The following PRMT8 variants were observed in gnomAD, a reference collection of about 807,000 sequenced individuals.
PRMT8 encodes protein arginine N-methyltransferase 8.
In PRMT8, 7 loss-of-function variants were observed where a neutral mutation model predicts 47.1. The observed-to-expected ratio is 0.15, with a 90% confidence interval of 0.08 to 0.28. PRMT8 has a LOEUF of 0.28. Among genes scored for constraint, PRMT8 ranks in the 10% least tolerant of loss-of-function variants. The pLI is 1.00. For missense variants in PRMT8, 237 were observed against 505.4 expected (o/e 0.47, Z 5.09); for synonymous variants, 188 against 186.5 (o/e 1.01, Z -0.07).
chr12:3,416,313 A>G lies in PRMT8; in HGVS notation c.48+34871A>G, dbSNP rs565640719. Among the ~76,000 whole-genome samples, 14 of 152,162 alleles carry G rather than the reference A, an allele frequency of 9.2e-5. No individual in the cohort carries two copies. In the South Asian group the frequency reaches 2.9e-3, roughly 32 times the overall value. On this transcript the variant is annotated intron_variant, in intron 1 of 9. Transcript: ENST00000452611. ...CCTACCTGAAATCTACCTACCCCTC[A>G]AGGTGTAATTCTAATCCTCACCATC...
At chr12:3,407,355 A>C (rs548787238) in intron 1 of PRMT8, among the ~76,000 whole-genome samples, 1 of 142,574 alleles carries the variant, frequency 7.0e-6, no homozygotes, top group Admixed American at 6.7e-5. Context: ...GCATTCTAGT[A>C]TTCTTGGCTG....
chr12:3,397,519 G>C (rs1403642623), intron 1 of PRMT8, among the ~76,000 whole-genome samples: 1 of 151,262 alleles, frequency 6.6e-6, no homozygotes, highest in Non-Finnish European at 1.5e-5. Flanking sequence ...CAGTTAGGCT[G>C]CTCGGGGGTC....
chr12:3,510,169 G>T (rs1281754847), intron 1 of PRMT8, among the ~76,000 whole-genome samples: 1 of 152,184 alleles, frequency 6.6e-6, no homozygotes, highest in African/African-American at 2.4e-5. Flanking sequence ...TGAGGCCAAG[G>T]CTCCTAATTG....
At chr12:3,466,893 T>A (rs1203915031) in intron 1 of PRMT8, among the ~76,000 whole-genome samples, 1 of 152,176 alleles carries the variant, frequency 6.6e-6, no homozygotes, top group Non-Finnish European at 1.5e-5. Flanking sequence ...CTCATTCATG[T>A]GAAAATTCCC....
chr12:3,423,666 C>G (rs563319176), intron 1 of PRMT8, among the ~76,000 whole-genome samples: 1 of 152,324 alleles, frequency 6.6e-6, no homozygotes, highest in Non-Finnish European at 1.5e-5. Context: ...GCCCACATAT[C>G]CAGTATAATC....
chr12:3,468,413 C>T (rs577126175), intron 1 of PRMT8, among the ~76,000 whole-genome samples: 21 of 152,266 alleles, frequency 1.4e-4, no homozygotes, highest in African/African-American at 5.1e-4. Context: ...CTTGCTTTTT[C>T]TCTCACTTTG....
At chr12:3,487,248 G>C (rs1865331372), upstream of PRMT8, among the ~76,000 whole-genome samples, 1 of 152,192 alleles carries the variant, frequency 6.6e-6, no homozygotes, top group African/African-American at 2.4e-5. Flanking sequence ...CATGTGTGAG[G>C]TCCCCTGGGA....
intron 1 of PRMT8, among the ~76,000 whole-genome samples, chr12:3,537,892 G>T (rs1348401669): frequency 6.6e-6 from 1 of 151,922 alleles, no homozygotes; most frequent in Non-Finnish European, 1.5e-5. Flanking sequence ...CTTTTCCTTG[G>T]CCCCTCCTGT....
chr12:3,487,142 A>G (rs562081183), upstream of PRMT8, among the ~76,000 whole-genome samples: 126 of 152,314 alleles, frequency 8.3e-4, no homozygotes, highest in African/African-American at 2.8e-3. Context: ...CTGCTGGGGT[A>G]GCTGCCATGA....
intron 1 of PRMT8, among the ~76,000 whole-genome samples, chr12:3,381,889 CCTT>C (rs1373169199): frequency 1.3e-5 from 2 of 152,144 alleles, no homozygotes; most frequent in Non-Finnish European, 2.9e-5. Context: ...AGAGGAGACT[CCTT>C]CTTTTATCTT....
intron 1 of PRMT8, among the ~76,000 whole-genome samples, chr12:3,446,132 TA>T (rs1864853161): frequency 6.6e-6 from 1 of 152,110 alleles, no homozygotes; most frequent in South Asian, 2.1e-4. Context: ...TAGATGTTCC[TA>T]AAGCCCATGA....
At chr12:3,461,289 T>C (rs1865038416) in intron 1 of PRMT8, among the ~76,000 whole-genome samples, 1 of 152,132 alleles carries the variant, frequency 6.6e-6, no homozygotes, top group Non-Finnish European at 1.5e-5. Flanking sequence ...GCTATTCCTG[T>C]AGCAGCAGGA....
At chr12:3,435,633 T>A (rs970828192) in intron 1 of PRMT8, among the ~76,000 whole-genome samples, 1 of 151,546 alleles carries the variant, frequency 6.6e-6, no homozygotes, top group Non-Finnish European at 1.5e-5. Context: ...GCCATTCTCC[T>A]GCCTCAGCCT....
chr12:3,541,749 T>TTTTG (rs1214101619), intron 2 of PRMT8, among the ~76,000 whole-genome samples: 1 of 152,224 alleles, frequency 6.6e-6, no homozygotes, highest in African/African-American at 2.4e-5. Context: ...TAGCCAGCTC[T>TTTTG]TTTGTTTGTT....
Position 3,540,613 on chromosome 12 carries a change from G to GGCCCCC in PRMT8, c.83_84insGCCCCC (p.Ser28delinsArgProPro). 8.5e-5 allele frequency: 96 copies of GGCCCCC among 1,130,508 alleles called. No homozygotes were observed. Among genetic ancestry groups the GGCCCCC allele is most frequent in the Non-Finnish European group, 1.1e-4 (84 of 752,478 alleles). 70.0% of individuals were successfully genotyped at this position (1,130,508 alleles called of 1,614,324 possible). On this transcript the variant is annotated protein_altering_variant, in exon 2 of 10. Coordinates refer to ENST00000382622, the MANE Select transcript of PRMT8 (RefSeq NM_019854.5). ...CCCTTCTCTTCCCCTCAGGTGAACA[G>GGCCCCC]CCCCCCCTCCCAGCCCCCCCAGCCC...
chr12:3,578,969 T>G (rs912252047), intron 7 of PRMT8, among the ~76,000 whole-genome samples: 3 of 152,186 alleles, frequency 2.0e-5, no homozygotes, highest in African/African-American at 7.2e-5. Context: ...TCTCACTACT[T>G]CATTCAGCCT....
chr12:3,447,883 T>C (rs1348964985), intron 1 of PRMT8, among the ~76,000 whole-genome samples: 2 of 152,234 alleles, frequency 1.3e-5, no homozygotes, highest in African/African-American at 2.4e-5. Context: ...ACACCTGCCA[T>C]GCTTCTGATT....
chr12:3,449,189 A>G (rs893485644), intron 1 of PRMT8, among the ~76,000 whole-genome samples: 3 of 152,218 alleles, frequency 2.0e-5, no homozygotes, highest in African/African-American at 7.2e-5. Context: ...ATGGTGCTGC[A>G]GTGAATATAC....
At chr12:3,398,298 G>A (rs547256338) in intron 1 of PRMT8, among the ~76,000 whole-genome samples, 9 of 152,290 alleles carry the variant, frequency 5.9e-5, no homozygotes, top group East Asian at 5.8e-4. Context: ...GTGTGGGGCC[G>A]TTTTCAAAGG....
Sources: allele counts gnomAD v4.1 joint callset (sites outside exome capture counted in the v4.1 genomes callset), GRCh38; gene constraint gnomAD v4.1.1; transcripts MANE v1.5; gene names NCBI Gene and HGNC (gene_info 2026-07-23, HGNC 2026-07-21).